Variants in TUT4 observed in about 807,000 individuals in gnomAD.
TUT4 encodes terminal uridylyltransferase 4.
A neutral mutation model predicts 192.2 loss-of-function variants in TUT4; 36 were observed. The observed-to-expected ratio is 0.19, with a 90% CI of 0.14 to 0.25. The LOEUF (loss-of-function observed/expected upper bound fraction) is 0.25, where lower values mean the gene tolerates loss of function less well. Ranked by LOEUF, TUT4 falls within the 10% of genes least tolerant of loss-of-function variation. The pLI is 1.00. For synonymous variants in TUT4, 618 were observed against 666.0 expected (o/e 0.93, Z 1.11); for missense variants, 1,493 against 1,957.2 (o/e 0.76, Z 4.47).
intron 28 of TUT4, among the ~76,000 whole-genome samples, chr1:52,430,291 T>A (rs908471747): frequency 6.6e-6 from 1 of 150,974 alleles, no homozygotes; most frequent in Admixed American, 6.6e-5. Flanking sequence ...TTCCTTGATC[T>A]TTTTTTTGTT....
rs564722122 is a variant in TUT4, at chr1:52,468,217, T to C, written c.2929A>G (p.Ile977Val). Reference sequence around the variant, plus strand: ...TTTTGAATAAACTTTTCCAAGCCAATTAAAATTTGCTCCCTGTTGTGTTGT... The same window carrying C: ...TTTTGAATAAACTTTTCCAAGCCAACTAAAATTTGCTCCCTGTTGTGTTGT... ...SEQHNREQIL[I>V]GLEKFIQKEY... The change falls in exon 15 of 30, where the codon ATT becomes GTT. Residue 977 changes from isoleucine to valine, a missense_variant. Physicochemically the swap from Ile to Val is conservative, Grantham distance 29. This residue lies in a region of TUT4 where 59 missense variants were observed against 114.3 expected (regional missense o/e 0.52). Coordinates refer to ENST00000257177, the MANE Select transcript of TUT4 (RefSeq NM_001009881.3). 3 of 1,610,780 alleles carry C rather than the reference T, an allele frequency of 1.9e-6. No individual in the cohort carries two copies. Among genetic ancestry groups the C allele is most frequent in the East Asian group, 4.5e-5 (2 of 44,630 alleles).
At chr1:52,522,592 ATCTC>A (rs1309561150) in intron 2 of TUT4, among the ~76,000 whole-genome samples, 1 of 152,234 alleles carries the variant, frequency 6.6e-6, no homozygotes. Flanking sequence ...ATTCTTAACT[ATCTC>A]TCTATGTCAT....
intron 2 of TUT4, among the ~76,000 whole-genome samples, chr1:52,516,741 A>T (rs1049452360): frequency 9.2e-5 from 14 of 152,196 alleles, no homozygotes; most frequent in Admixed American, 7.2e-4. Context: ...GCTTTTGAAG[A>T]GTTCAGAATA....
chr1:52,538,096 T>A (rs187002721), intron 1 of TUT4, among the ~76,000 whole-genome samples: 137 of 151,836 alleles, frequency 9.0e-4, no homozygotes, highest in African/African-American at 3.2e-3. Flanking sequence ...ATTAGCCGGG[T>A]GTGGTGGCCC....
intron 25 of TUT4, chr1:52,437,350 T>A (rs1033465338): frequency 6.4e-5 from 11 of 171,532 alleles, no homozygotes; most frequent in African/African-American, 2.6e-4. Flanking sequence ...TCTCAAAAGT[T>A]CCAAGTTTTT....
chr1:52,428,133 C>CAA (rs1180247314), intron 28 of TUT4, among the ~76,000 whole-genome samples: 8 of 152,208 alleles, frequency 5.3e-5, no homozygotes, highest in African/African-American at 1.9e-4. Flanking sequence ...AGATAAAAAT[C>CAA]AAAGAGATAT....
chr1:52,471,112 G>A (rs1156680421), intron 14 of TUT4, among the ~76,000 whole-genome samples: 1 of 148,242 alleles, frequency 6.7e-6, no homozygotes, highest in Non-Finnish European at 1.5e-5. Flanking sequence ...CACCTCCCAG[G>A]TCCAAGCGAT....
chr1:52,467,976 AATATT>A (rs1023730241), intron 15 of TUT4, among the ~76,000 whole-genome samples, 200 bp downstream of exon 15: 10 of 152,158 alleles, frequency 6.6e-5, no homozygotes, highest in African/African-American at 1.9e-4. Flanking sequence ...TTGCTGATAT[AATATT>A]ATATATTTAT....
At chr1:52,548,344 C>T (rs1385862772) in intron 1 of TUT4, among the ~76,000 whole-genome samples, 1 of 152,118 alleles carries the variant, frequency 6.6e-6, no homozygotes, top group Non-Finnish European at 1.5e-5. Flanking sequence ...TGCAATCAGG[C>T]TTAGTCATTC....
chr1:52,521,152 G>C (rs558701245), intron 2 of TUT4, among the ~76,000 whole-genome samples: 18 of 152,184 alleles, frequency 1.2e-4, no homozygotes, highest in Non-Finnish European at 2.2e-4. Context: ...CCCACTAGAA[G>C]ATTAACTCCA....
At position 52,497,158 on chromosome 1, in the gene TUT4, C is replaced by T. The variant is rs150367854; in HGVS notation, c.1025G>A (p.Arg342His). Residue 342 changes from arginine to histidine, a missense_variant, in exon 5 of 30, where the codon CGT becomes CAT. Physicochemically the swap from Arg to His is conservative, Grantham distance 29. Coordinates refer to ENST00000257177, the MANE Select transcript of TUT4 (RefSeq NM_001009881.3). ...ILEKQEESEL[R>H]SLPPPSPAHL... Reference sequence around the variant, plus strand: ...GGCAGGGGAAGGAGGTGGCAGAGAACGAAGCTCACTTTCTTCTTGTTTTTC... The same window carrying T: ...GGCAGGGGAAGGAGGTGGCAGAGAATGAAGCTCACTTTCTTCTTGTTTTTC... 1.0e-4 allele frequency: 160 copies of T among 1,605,684 alleles called. 1 individual carries two copies. Among genetic ancestry groups the T allele is most frequent in the Admixed American group, 2.4e-4 (14 of 57,160 alleles).
chr1:52,500,982 A>C (rs1167257465), intron 4 of TUT4, among the ~76,000 whole-genome samples: 1 of 152,150 alleles, frequency 6.6e-6, no homozygotes, highest in Non-Finnish European at 1.5e-5. Flanking sequence ...AACCGTAACT[A>C]AGAAATGTAA....
At chr1:52,517,335 A>C (rs1041500004) in intron 2 of TUT4, among the ~76,000 whole-genome samples, 1 of 152,242 alleles carries the variant, frequency 6.6e-6, no homozygotes, top group African/African-American at 2.4e-5. Context: ...GTCATGTTGA[A>C]TAAATAAATG....
At chr1:52,443,455 G>C (rs1342740982) in intron 24 of TUT4, among the ~76,000 whole-genome samples, 2 of 151,828 alleles carry the variant, frequency 1.3e-5, no homozygotes, top group East Asian at 3.9e-4. Context: ...CAGGTGTGGT[G>C]GCGCGTGCCT....
At chr1:52,458,606 T>C (rs954696910) in intron 19 of TUT4, among the ~76,000 whole-genome samples, 157 bp from the exon 20 acceptor site, 7 of 151,396 alleles carry the variant, frequency 4.6e-5, no homozygotes, top group African/African-American at 9.7e-5. Context: ...CTCTGGGAGG[T>C]TGAGGTGAAA....
chr1:52,488,787 C>A, intron 9 of TUT4, 122 bp downstream of exon 9: 1 of 1,099,782 alleles, frequency 9.1e-7, no homozygotes, highest in Non-Finnish European at 1.2e-6. Flanking sequence ...GCACAGAAAA[C>A]TACTTTCTCC....
chr1:52,514,781 T>G (rs1346205061), intron 3 of TUT4: 1 of 151,038 alleles, frequency 6.6e-6, no homozygotes, highest in African/African-American at 2.4e-5. Flanking sequence ...TTTGTGATTT[T>G]TTTTTTTTTT....
intron 4 of TUT4, among the ~76,000 whole-genome samples, chr1:52,497,649 C>A (rs545807860): frequency 2.0e-5 from 3 of 152,226 alleles, no homozygotes; most frequent in South Asian, 4.1e-4. Context: ...CAACGCTATG[C>A]GAAATGTTCA....
At chr1:52,424,441 T>TC in intron 29 of TUT4, 1 of 156,458 alleles carries the variant, frequency 6.4e-6, no homozygotes. Context: ...ACCAGGCACT[T>TC]CCCCTTTAAG....
Sources: gnomAD v4.1 joint callset for allele counts (sites outside exome capture counted in the v4.1 genomes callset) on GRCh38, gnomAD v4.1.1 for gene constraint, gnomAD v4.1.1 regional missense constraint, MANE v1.5 for transcripts, NCBI Gene and HGNC (gene_info 2026-07-23, HGNC 2026-07-21) for gene names.